The following TERT variants were observed in gnomAD, a reference collection of about 807,000 sequenced individuals.
TERT encodes telomerase reverse transcriptase.
TERT carries 42 observed loss-of-function variants against 104.0 expected under a neutral mutation model. The observed-to-expected ratio is 0.40, with a 90% CI of 0.32 to 0.52. The LOEUF (loss-of-function observed/expected upper bound fraction) is 0.52. TERT is among the 20% of genes least tolerant of loss of function. The pLI is 0.43. For synonymous variants in TERT, 781 were observed against 725.6 expected (o/e 1.08, Z -1.23); for missense variants, 1,101 against 1,610.3 (o/e 0.68, Z 5.41).
intron 3 of TERT, among the ~76,000 whole-genome samples, chr5:1,281,826 G>C (rs1409061571): frequency 6.6e-6 from 1 of 152,170 alleles, no homozygotes; most frequent in Non-Finnish European, 1.5e-5. Flanking sequence ...CGGTGGCTTA[G>C]CCTGTAAACC....
rs1748394745 is a variant in TERT, at chr5:1,263,851, C to T, written c.2843+553G>A. ...ACAAGACCCCAGAATTTTGTAGAGA[C>T]CCCCCCCACACCATGGCCCTGTCCC... On this transcript the variant is annotated intron_variant, in intron 11 of 15. Coordinates refer to ENST00000310581, the MANE Select transcript of TERT (RefSeq NM_198253.3). The surrounding 1 kb of genome is among the most constrained non-coding windows in gnomAD (Gnocchi z 5.3). Among the ~76,000 whole-genome samples, 1 of 151,878 alleles carries T rather than the reference C, an allele frequency of 6.6e-6. No individual in the cohort carries two copies. Among genetic ancestry groups the T allele is most frequent in the Non-Finnish European group, 1.5e-5 (1 of 67,934 alleles).
intron 2 of TERT, among the ~76,000 whole-genome samples, chr5:1,291,936 C>T (rs924803197): frequency 2.6e-5 from 4 of 152,170 alleles, no homozygotes; most frequent in African/African-American, 4.8e-5. Flanking sequence ...TCTGACTCGG[C>T]GTGGTCCACC....
At chr5:1,271,865 A>AG (rs1168123830) in intron 7 of TERT, among the ~76,000 whole-genome samples, 2 of 152,174 alleles carry the variant, frequency 1.3e-5, no homozygotes, top group African/African-American at 4.8e-5. Context: ...CTCCTAAAGG[A>AG]GGGGGACACC....
chr5:1,274,581 C>T lies in TERT; in HGVS notation c.2287-2301G>A, dbSNP rs1749408872. On this transcript the variant is annotated intron_variant, in intron 6 of 15. Transcript: ENST00000310581. The surrounding 1 kb of genome is among the most constrained non-coding windows in gnomAD (Gnocchi z 5.3). ...CATAAGGAGCACAGAATCTAGACCC[C>T]TCTCACGCACAGTTCTCAGTAGGGT... is the stretch of plus-strand genomic sequence containing the variant. Among the ~76,000 whole-genome samples, 1 of 152,208 alleles carries T rather than the reference C, an allele frequency of 6.6e-6. No individual in the cohort carries two copies. The highest frequency in any genetic ancestry group is 2.4e-5 in the African/African-American group (1 of 41,446).
Position 1,262,444 on chromosome 5 carries a change from CT to C in TERT, c.2844-1845del. 6.6e-6 allele frequency among the ~76,000 whole-genome samples: 1 copy of C among 152,194 alleles called. No homozygotes were observed. Among genetic ancestry groups the C allele is most frequent in the Admixed American group, 6.5e-5 (1 of 15,290 alleles). ...GAAAATTCCCATCTTACCACTTTTC[CT>C]TTTTCACTTTTCTTAATCATTTTGC... is the stretch of plus-strand genomic sequence containing the variant. On this transcript the variant is annotated intron_variant, in intron 11 of 15. Transcript: ENST00000310581. The surrounding 1 kb of genome is among the most constrained non-coding windows in gnomAD (Gnocchi z 5.6).
Position 1,278,672 on chromosome 5 carries a change from T to C in TERT, c.2255A>G (p.His752Arg), listed in dbSNP as rs375699185. 121 of 1,614,126 alleles carry C rather than the reference T, an allele frequency of 7.5e-5. 2 individuals carry two copies. The highest frequency in any genetic ancestry group is 6.2e-4 in the East Asian group (28 of 44,886). ...RRYAVVQKAAHGHVRKAFKSH... is the reference protein window; with the variant it reads ...RRYAVVQKAARGHVRKAFKSH... ...CTTGAAGGCCTTGCGGACGTGCCCA[T>C]GGGCGGCCTTCTGGACCACGGCATA... The change falls in exon 6 of 16, where the codon CAT becomes CGT. Residue 752 changes from histidine to arginine, a missense_variant. Transcript: ENST00000310581.
chr5:1,289,121 G>A (rs1178887535), intron 2 of TERT, among the ~76,000 whole-genome samples: 1 of 151,812 alleles, frequency 6.6e-6, no homozygotes, highest in Non-Finnish European at 1.5e-5. Flanking sequence ...GGGACACCCA[G>A]GGACAGCGCC....
Position 1,294,984 on chromosome 5 carries a change from C to T in TERT, c.6G>A (p.Pro2=), listed in dbSNP as rs1459602769. 1 of 1,320,278 alleles carries T rather than the reference C, an allele frequency of 7.6e-7. No homozygotes were observed. Among genetic ancestry groups the T allele is most frequent in the Non-Finnish European group, 9.6e-7 (1 of 1,042,832 alleles). The allele number at this position is 1,320,278 out of a possible 1,614,324, so 81.8% of individuals were successfully genotyped here. A position where few individuals can be genotyped will look rare whatever the true frequency, so the allele number is the denominator to read the frequency against. Residue 2 remains proline, a synonymous_variant, in exon 1 of 16, where the codon CCG becomes CCA. Coordinates refer to ENST00000310581, the MANE Select transcript of TERT (RefSeq NM_198253.3). M[P]RAPRCRAVRS... ...GCACGGCTCGGCAGCGGGGAGCGCG[C>T]GGCATCGCGGGGGTGGCCGGGGCCA...
rs1554041987 is a variant in TERT, at chr5:1,287,506, A to AT, written c.1574-4883_1574-4882insA. On this transcript the variant is annotated intron_variant, in intron 2 of 15. Transcript: ENST00000310581. This position sits in a 1 kb window ranked among gnomAD's most constrained non-coding sequence, Gnocchi z 4.3. ...GACCAAGACTCTGTCTCAAAAAAAA[A>AT]AAATATATATATATATATATAAATT... Among the ~76,000 whole-genome samples, 1,381 of 130,154 alleles carry AT rather than the reference A, an allele frequency of 0.011. 10 individuals carry two copies. Among genetic ancestry groups the AT allele is most frequent in the Non-Finnish European group, 0.015 (916 of 61,840 alleles). The allele number at this position is 130,154 out of a possible 152,430, so 85.4% of individuals were successfully genotyped here.
chr5:1,271,318 G>A (rs1223148931), intron 7 of TERT, 114 bp from the exon 8 acceptor site: 21 of 780,640 alleles, frequency 2.7e-5, no homozygotes, highest in Admixed American at 1.0e-4. Flanking sequence ...GATGAAGTGC[G>A]GGGCTGGGCT....
rs985067530 is a variant in TERT, at chr5:1,274,101, C to G, written c.2287-1821G>C. Among the ~76,000 whole-genome samples the G allele has an allele frequency of 1.3e-5, 2 of 152,206 alleles. No individual in the cohort carries two copies. The highest frequency in any genetic ancestry group is 2.4e-5 in the African/African-American group (1 of 41,456). On this transcript the variant is annotated intron_variant, in intron 6 of 15. Coordinates refer to ENST00000310581, the MANE Select transcript of TERT (RefSeq NM_198253.3). This position sits in a 1 kb window ranked among gnomAD's most constrained non-coding sequence, Gnocchi z 5.3. ...CACACACTAACACGGACACAGGAGG[C>G]CTCGAGCTTGTGAGGCATCAAAAGA... is the stretch of plus-strand genomic sequence containing the variant.
Position 1,253,579 on chromosome 5 carries a change from A to G in TERT, c.*149T>C, listed in dbSNP as rs539080954. 344 of 691,520 alleles carry G rather than the reference A, an allele frequency of 5.0e-4. No homozygotes were observed. The highest frequency in any genetic ancestry group is 7.9e-4 in the Non-Finnish European group (311 of 394,524). The allele number at this position is 691,520 out of a possible 1,614,324, so 42.8% of individuals were successfully genotyped here. On this transcript the variant is annotated 3_prime_UTR_variant, in exon 16 of 16. Coordinates refer to ENST00000310581, the MANE Select transcript of TERT (RefSeq NM_198253.3). ...CCGGACACTCAGCCTTCAGCCGGAC[A>G]TGCAGGCCTCGGCCAAACACTCACT...
At chr5:1,289,423 G>A (rs371072302) in intron 2 of TERT, among the ~76,000 whole-genome samples, 7 of 89,934 alleles carry the variant, frequency 7.8e-5, no homozygotes, top group Non-Finnish European at 9.3e-5. Context: ...CGGGGACGGC[G>A]CCTCACTCAC....
At chr5:1,272,370 C>A in intron 6 of TERT, 90 bp from the exon 7 acceptor site, 1 of 1,174,136 alleles carries the variant, frequency 8.5e-7, no homozygotes. Context: ...ACGTGTGGAC[C>A]TGCGGCCAAG....
intron 2 of TERT, among the ~76,000 whole-genome samples, chr5:1,284,463 C>T (rs62332580): frequency 0.046 from 1,007 of 22,108 alleles, no homozygotes; most frequent in East Asian, 0.13. Context: ...CCCGGACCGG[C>T]ACCATCCGGA....
At position 1,255,158 on chromosome 5, in the gene TERT, G is replaced by A. The variant is rs941303776; in HGVS notation, c.3157+129C>T. The A allele has an allele frequency of 1.6e-6, 2 of 1,232,816 alleles. No homozygotes were observed. The highest frequency in any genetic ancestry group is 2.3e-6 in the Non-Finnish European group (2 of 869,634). 76.4% of individuals were successfully genotyped at this position (1,232,816 alleles called of 1,614,324 possible). On this transcript the variant is annotated intron_variant, in intron 14 of 15. Coordinates refer to ENST00000310581, the MANE Select transcript of TERT (RefSeq NM_198253.3). The surrounding 1 kb of genome is among the most constrained non-coding windows in gnomAD (Gnocchi z 6.9). ...GGGCGGGCAGACGAGCCTGACAGTG[G>A]TTGGGTTAAACCACTTCCTGATGCG... is the stretch of plus-strand genomic sequence containing the variant.
chr5:1,253,917 G>A, intron 15 of TERT, 86 bp from the exon 16 acceptor site: 1 of 1,423,618 alleles, frequency 7.0e-7, no homozygotes, highest in Non-Finnish European at 9.7e-7. Flanking sequence ...TGGCCGGGCA[G>A]GCAGGGCCTG....
At chr5:1,258,815 C>T (rs2126574143) in intron 12 of TERT, among the ~76,000 whole-genome samples, 156 bp from the exon 13 acceptor site, 1 of 152,396 alleles carries the variant, frequency 6.6e-6, no homozygotes, top group Non-Finnish European at 1.5e-5. Flanking sequence ...CTGGCCCTCA[C>T]CCGGCAGCTG....
chr5:1,257,472 C>T lies in TERT; in HGVS notation c.3032+1126G>A, dbSNP rs34439046. On this transcript the variant is annotated intron_variant, in intron 13 of 15. Transcript: ENST00000310581. This position sits in a 1 kb window ranked among gnomAD's most constrained non-coding sequence, Gnocchi z 5.6. ...CCGGAAAGGAGTCAAGCAGCTTGCA[C>T]GAGGGCCCAGGCACGCGTCAGGGAG... is the stretch of plus-strand genomic sequence containing the variant. Among the ~76,000 whole-genome samples, 1,189 of 152,180 alleles carry T rather than the reference C, an allele frequency of 7.8e-3. 17 individuals are homozygous for T. The highest frequency in any genetic ancestry group is 0.025 in the African/African-American group (1,056 of 41,520).
Sources: allele counts gnomAD v4.1 joint callset (sites outside exome capture counted in the v4.1 genomes callset), GRCh38; gene constraint gnomAD v4.1.1; non-coding constraint Gnocchi (gnomAD v3.1); transcripts MANE v1.5; gene names NCBI Gene and HGNC (gene_info 2026-07-23, HGNC 2026-07-21).